PTK2: variants seen among roughly 807,000 people sequenced by gnomAD.
PTK2 encodes protein tyrosine kinase 2.
In PTK2, 45 loss-of-function variants were observed where a neutral mutation model predicts 150.1. The observed-to-expected ratio is 0.30, with a 90% CI of 0.24 to 0.38. PTK2 has a LOEUF of 0.38. Ranked by LOEUF, PTK2 falls within the 10% of genes least tolerant of loss-of-function variation. The probability of loss-of-function intolerance (pLI) is 1.00; values close to 1 mark genes in which losing one functional copy is unlikely to be tolerated. For synonymous variants in PTK2, 432 were observed against 449.2 expected (o/e 0.96, Z 0.48); for missense variants, 919 against 1,307.3 (o/e 0.70, Z 4.58).
intron 1 of PTK2, among the ~76,000 whole-genome samples, chr8:140,970,270 A>G (rs535941713): frequency 6.6e-6 from 1 of 152,370 alleles, no homozygotes; most frequent in South Asian, 2.1e-4. Flanking sequence ...AAGTGTCTAG[A>G]GCAGCTTCTC....
At chr8:140,942,862 C>T (rs1361830191) in intron 1 of PTK2, among the ~76,000 whole-genome samples, 2 of 152,080 alleles carry the variant, frequency 1.3e-5, no homozygotes, top group African/African-American at 2.4e-5. Context: ...GTTTGGATCA[C>T]GGGGGCGTAT....
At chr8:140,846,942 C>T (rs542501087) in intron 5 of PTK2, among the ~76,000 whole-genome samples, 3 of 151,830 alleles carry the variant, frequency 2.0e-5, no homozygotes, top group East Asian at 1.9e-4. Context: ...GTAATTATGC[C>T]TGATGTTAAA....
chr8:140,708,760 TAA>T (rs1033840950), intron 23 of PTK2, among the ~76,000 whole-genome samples: 15 of 152,078 alleles, frequency 9.9e-5, no homozygotes, highest in Non-Finnish European at 4.4e-5. Context: ...TGTGCTGAAT[TAA>T]AAGAGGTTAA....
intron 1 of PTK2, among the ~76,000 whole-genome samples, chr8:140,986,770 C>G (rs1310991383): frequency 6.6e-6 from 1 of 152,234 alleles, no homozygotes; most frequent in Non-Finnish European, 1.5e-5. Context: ...AGATCCCACA[C>G]TGGCTGACGC....
intron 1 of PTK2, among the ~76,000 whole-genome samples, chr8:140,986,132 CTGCCCAATG>C (rs1167106755): frequency 6.6e-6 from 1 of 152,208 alleles, no homozygotes; most frequent in East Asian, 1.9e-4. Flanking sequence ...TATACCAGCG[CTGCCCAATG>C]TAGTAGCCAC....
At chr8:140,836,468 C>T (rs1442189770) in intron 7 of PTK2, among the ~76,000 whole-genome samples, 1 of 152,098 alleles carries the variant, frequency 6.6e-6, no homozygotes, top group Non-Finnish European at 1.5e-5. Flanking sequence ...TAACCTGTAG[C>T]CCCAATGACT....
At chr8:140,821,418 A>C (rs1333936036) in intron 8 of PTK2, 1 of 152,274 alleles carries the variant, frequency 6.6e-6, no homozygotes, top group Admixed American at 6.5e-5. Context: ...ATCATATGCA[A>C]GACAACTGGA....
chr8:140,820,376 T>C (rs928916583), intron 8 of PTK2, among the ~76,000 whole-genome samples: 6 of 151,860 alleles, frequency 4.0e-5, no homozygotes, highest in Non-Finnish European at 5.9e-5. Context: ...GCTGGGATTA[T>C]AGGCATGAGC....
At chr8:140,727,869 C>T (rs761237038) in intron 22 of PTK2, among the ~76,000 whole-genome samples, 2 of 152,236 alleles carry the variant, frequency 1.3e-5, no homozygotes, top group South Asian at 4.1e-4. Flanking sequence ...AAAGTAGCTA[C>T]TGAGTAGAAA....
At chr8:140,774,228 T>TG (rs374878414) in intron 14 of PTK2, among the ~76,000 whole-genome samples, 107 of 152,310 alleles carry the variant, frequency 7.0e-4, no homozygotes, top group African/African-American at 2.4e-3. Flanking sequence ...AGGGAGAACT[T>TG]GAACTTTGTA....
At chr8:140,992,665 G>A (rs937206356) in intron 1 of PTK2, among the ~76,000 whole-genome samples, 1 of 152,168 alleles carries the variant, frequency 6.6e-6, no homozygotes, top group African/African-American at 2.4e-5. Flanking sequence ...GTGTGAATGA[G>A]TTACCCCCTC....
intron 5 of PTK2, among the ~76,000 whole-genome samples, chr8:140,861,429 A>T (rs766208710): frequency 5.3e-5 from 8 of 152,164 alleles, no homozygotes; most frequent in Non-Finnish European, 8.8e-5. Flanking sequence ...AAAAGACAAG[A>T]AGAGAAACTG....
At chr8:140,667,213 T>A (rs559778219) in intron 30 of PTK2, among the ~76,000 whole-genome samples, 2 of 152,316 alleles carry the variant, frequency 1.3e-5, no homozygotes. Context: ...ACATTGTGAA[T>A]GTACCTAATG....
At chr8:140,940,143 G>C (rs997274183) in intron 1 of PTK2, among the ~76,000 whole-genome samples, 6 of 152,248 alleles carry the variant, frequency 3.9e-5, no homozygotes, top group Admixed American at 6.5e-5. Context: ...GGATGGGCAA[G>C]TAATAAATAC....
At chr8:140,686,677 G>C (rs1197465607) in exon 27 of PTK2, 2 of 1,613,704 alleles carry the variant, frequency 1.2e-6, no homozygotes, top group Admixed American at 1.7e-5. Context: ...TGCCTCGAGA[G>C]AGTCTCACAT....
intron 23 of PTK2, among the ~76,000 whole-genome samples, chr8:140,708,654 C>A (rs2100035125): frequency 6.6e-6 from 1 of 152,016 alleles, no homozygotes; most frequent in South Asian, 2.1e-4. Context: ...CCCAAAAACA[C>A]CCCAAACAGG....
intron 1 of PTK2, among the ~76,000 whole-genome samples, chr8:140,994,546 T>C (rs925123335): frequency 1.6e-4 from 25 of 152,098 alleles, no homozygotes; most frequent in Non-Finnish European, 3.5e-4. Context: ...AGGGTCTCAC[T>C]ATGTTGCCCA....
rs1056163655 is a variant in PTK2 at position 140,947,729 on chromosome 8, A to G, written c.-121-21980T>C. ...AGGAGCTACACGCACAGTGATGTGT[A>G]AAACAGAGACAAAACTCAAGTGAAT... On this transcript the variant is annotated intron_variant, in intron 1 of 31. Transcript: ENST00000522684. Among the ~76,000 whole-genome samples the G allele has an allele frequency of 3.3e-5, 5 of 152,172 alleles. No individual in the cohort carries two copies. The East Asian group carries it at 7.7e-4, about 23-fold the overall frequency.
chr8:140,823,588 T>C (rs1054361641), intron 8 of PTK2, among the ~76,000 whole-genome samples: 5 of 151,998 alleles, frequency 3.3e-5, no homozygotes, highest in Admixed American at 1.3e-4. Flanking sequence ...TGGTGGCTTA[T>C]TGGCCCTACC....
Sources: gnomAD v4.1 joint callset for allele counts (sites outside exome capture counted in the v4.1 genomes callset) on GRCh38, gnomAD v4.1.1 for gene constraint, MANE v1.5 for transcripts, NCBI Gene and HGNC (gene_info 2026-07-23, HGNC 2026-07-21) for gene names.